Variants in HHAT observed in about 807,000 individuals in gnomAD.
HHAT encodes hedgehog acyltransferase, also known as protein-cysteine N-palmitoyltransferase HHAT.
A neutral mutation model predicts 70.8 loss-of-function variants in HHAT; 47 were observed. The observed-to-expected ratio is 0.66, with a 90% CI of 0.53 to 0.85. HHAT has a LOEUF of 0.85. Ranked by LOEUF, HHAT falls within the 40% of genes least tolerant of loss-of-function variation. The probability of loss-of-function intolerance (pLI) is 0.00; values close to 1 mark genes in which losing one functional copy is unlikely to be tolerated. For synonymous variants in HHAT, 228 were observed against 247.6 expected (o/e 0.92, Z 0.74); for missense variants, 609 against 604.8 (o/e 1.01, Z -0.07).
At chr1:210,397,036 G>C (rs534671158) in intron 4 of HHAT, among the ~76,000 whole-genome samples, 1 of 152,316 alleles carries the variant, frequency 6.6e-6, no homozygotes, top group Admixed American at 6.5e-5. Flanking sequence ...TAAATTAATA[G>C]AAGTGAAACT....
rs1680851036 is a variant in HHAT at position 210,674,647 on chromosome 1, A to G, written c.*268A>G. The G allele has an allele frequency of 5.1e-6, 2 of 395,282 alleles. No homozygotes were observed. The highest frequency in any genetic ancestry group is 4.3e-5 in the East Asian group (1 of 23,470). The allele number at this position is 395,282 out of a possible 1,614,324, so 24.5% of individuals were successfully genotyped here. On this transcript the variant is annotated 3_prime_UTR_variant, in exon 12 of 12. Transcript: ENST00000261458. ...GCAGTCGTGTGTCTTACCCAGCTAC[A>G]CAGGGTGACATTTTGGTCTAGAACC...
chr1:210,369,989 T>C (rs762179132), intron 3 of HHAT, among the ~76,000 whole-genome samples: 5 of 152,036 alleles, frequency 3.3e-5, no homozygotes, highest in Non-Finnish European at 7.4e-5. Flanking sequence ...CCATTTGTTC[T>C]GTGGACTCTT....
chr1:210,374,207 T>G (rs559049233), intron 3 of HHAT: 3 of 152,168 alleles, frequency 2.0e-5, no homozygotes, highest in Non-Finnish European at 2.9e-5. Context: ...GATTTGTTTC[T>G]CTCCACGGAA....
chr1:210,576,374 A>T (rs1372710630), intron 9 of HHAT, among the ~76,000 whole-genome samples: 4 of 152,118 alleles, frequency 2.6e-5, no homozygotes, highest in Non-Finnish European at 5.9e-5. Flanking sequence ...GAAACCATCA[A>T]CATAAAGTAA....
intron 3 of HHAT, among the ~76,000 whole-genome samples, chr1:210,372,622 G>A (rs969113921): frequency 1.1e-4 from 17 of 152,190 alleles, no homozygotes; most frequent in African/African-American, 3.1e-4. Flanking sequence ...CAAGCATCTT[G>A]CACGGAAGTT....
chr1:210,463,750 C>T (rs182414639), intron 7 of HHAT, among the ~76,000 whole-genome samples: 1 of 152,206 alleles, frequency 6.6e-6, no homozygotes, highest in Admixed American at 6.5e-5. Context: ...AAAGCAGCTG[C>T]CTCGCTCTAC....
intron 8 of HHAT, among the ~76,000 whole-genome samples, chr1:210,484,676 G>A (rs1373656913): frequency 6.6e-6 from 1 of 152,124 alleles, no homozygotes; most frequent in Non-Finnish European, 1.5e-5. Context: ...CTTACCAGTG[G>A]CACTAGGCAT....
Position 210,513,833 on chromosome 1 carries a change from A to G in HHAT, c.1043+645A>G, listed in dbSNP as rs115496864. 8.7e-3 allele frequency among the ~76,000 whole-genome samples: 1,332 copies of G among 152,342 alleles called. 22 individuals are homozygous for G. Among genetic ancestry groups the G allele is most frequent in the African/African-American group, 0.03 (1,239 of 41,584 alleles). On this transcript the variant is annotated intron_variant, in intron 9 of 11. Transcript: ENST00000261458. ...AGCATGTATTACTCTAATACTGGTA[A>G]ATAATGATCGTTAAAATGCTTGTCA...
intron 8 of HHAT, among the ~76,000 whole-genome samples, chr1:210,486,320 A>G (rs2094472288): frequency 6.6e-6 from 1 of 152,194 alleles, no homozygotes; most frequent in Admixed American, 6.5e-5. Flanking sequence ...ATATTTTTGA[A>G]TTCCTCCTAA....
chr1:210,526,428 G>A (rs1412690736), intron 9 of HHAT, among the ~76,000 whole-genome samples: 1 of 147,126 alleles, frequency 6.8e-6, no homozygotes, highest in Non-Finnish European at 1.5e-5. Flanking sequence ...GAGATACCTA[G>A]CTCAACAGGG....
At chr1:210,553,389 C>G (rs2095544564) in intron 9 of HHAT, among the ~76,000 whole-genome samples, 1 of 152,144 alleles carries the variant, frequency 6.6e-6, no homozygotes, top group African/African-American at 2.4e-5. Flanking sequence ...CAGGAGCCTT[C>G]CAGATGGAGG....
At chr1:210,522,202 T>C (rs777052502) in intron 9 of HHAT, among the ~76,000 whole-genome samples, 3 of 152,212 alleles carry the variant, frequency 2.0e-5, no homozygotes, top group Admixed American at 6.5e-5. Flanking sequence ...TAATTAGGCA[T>C]TGTCGATCAT....
chr1:210,328,852 A>T, upstream of HHAT: 1 of 437,668 alleles, frequency 2.3e-6, no homozygotes, highest in Non-Finnish European at 3.8e-6. Context: ...CCTGCTCGCC[A>T]TCGCCCGGAG....
intron 8 of HHAT, among the ~76,000 whole-genome samples, chr1:210,502,006 G>A (rs2094764815): frequency 7.3e-6 from 1 of 136,440 alleles, no homozygotes; most frequent in African/African-American, 2.7e-5. Context: ...TATATTTTAG[G>A]TCTCCTCTAT....
At chr1:210,383,733 G>C (rs1049929871) in intron 3 of HHAT, among the ~76,000 whole-genome samples, 2 of 152,140 alleles carry the variant, frequency 1.3e-5, no homozygotes, top group East Asian at 3.9e-4. Context: ...GGAATTCTCT[G>C]TACATTGTGC....
intron 8 of HHAT, among the ~76,000 whole-genome samples, chr1:210,507,736 C>T (rs2094885296): frequency 6.6e-6 from 1 of 151,958 alleles, no homozygotes; most frequent in Non-Finnish European, 1.5e-5. Context: ...AGGCCCCACC[C>T]CTGAACTCTT....
intron 9 of HHAT, among the ~76,000 whole-genome samples, chr1:210,555,382 C>T (rs113329704): frequency 0.04 from 6,092 of 152,214 alleles, 167 homozygotes; most frequent in Non-Finnish European, 0.062. Flanking sequence ...CAACAGATCT[C>T]GCCAGTGCTG....
chr1:210,439,138 G>C (rs1378820414), intron 7 of HHAT, among the ~76,000 whole-genome samples: 2 of 151,858 alleles, frequency 1.3e-5, no homozygotes, highest in Non-Finnish European at 2.9e-5. Flanking sequence ...TCTCTTAACA[G>C]CATCCTCAGC....
chr1:210,393,420 C>T (rs1037386546), intron 4 of HHAT, among the ~76,000 whole-genome samples: 1 of 152,122 alleles, frequency 6.6e-6, no homozygotes, highest in Non-Finnish European at 1.5e-5. Context: ...AAACACAGCC[C>T]CTTCCCTTGG....
Sources: gnomAD v4.1 joint callset for allele counts (sites outside exome capture counted in the v4.1 genomes callset) on GRCh38, gnomAD v4.1.1 for gene constraint, MANE v1.5 for transcripts, NCBI Gene and HGNC (gene_info 2026-07-23, HGNC 2026-07-21) for gene names.